Variants in KIRREL3 observed in about 807,000 individuals in gnomAD.
The protein encoded by KIRREL3 is kirre like nephrin family adhesion molecule 3, also known as kin of IRRE-like protein 3.
In KIRREL3, 36 loss-of-function variants were observed where a neutral mutation model predicts 89.7. That is an observed-to-expected ratio of 0.40 (90% CI 0.31 to 0.53). KIRREL3 has a LOEUF of 0.53. Among genes scored for constraint, KIRREL3 ranks in the 20% least tolerant of loss-of-function variants. KIRREL3 has a pLI of 0.49. For synonymous variants in KIRREL3, 445 were observed against 441.4 expected (o/e 1.01, Z -0.10); for missense variants, 864 against 1,056.6 (o/e 0.82, Z 2.53).
In KIRREL3 at chr11:126,490,424, C is replaced by T. The variant is rs1274310245; in HGVS notation, c.434-16958G>A. ...AAATAGACCATGTAGGCCTGTGTTC[C>T]ACGGGTGCTCAGAAAAGACCATGTA... On this transcript the variant is annotated intron_variant, in intron 4 of 16. Coordinates refer to ENST00000525144, the MANE Select transcript of KIRREL3 (RefSeq NM_032531.4). The surrounding 1 kb of genome is among the most constrained non-coding windows in gnomAD (Gnocchi z 4.2). 2.0e-5 allele frequency among the ~76,000 whole-genome samples: 3 copies of T among 151,950 alleles called. No homozygotes were observed. The highest frequency in any genetic ancestry group is 7.3e-5 in the African/African-American group (3 of 41,360).
chr11:126,854,240 A>C (rs1280319332), intron 1 of KIRREL3, among the ~76,000 whole-genome samples: 1 of 151,860 alleles, frequency 6.6e-6, no homozygotes, highest in Non-Finnish European at 1.5e-5. Flanking sequence ...AAAATGCACT[A>C]AAATAAAATT....
chr11:126,738,292 T>G lies in KIRREL3; in HGVS notation c.56-175380A>C, dbSNP rs192165512. On this transcript the variant is annotated intron_variant, in intron 1 of 16. Coordinates refer to ENST00000525144, the MANE Select transcript of KIRREL3 (RefSeq NM_032531.4). ...CAGCCCCTGTTGCCCCCTCCACCCC[T>G]GTCTTGCCTTATCTGGTCCTTTTCC... 2.0e-5 allele frequency among the ~76,000 whole-genome samples: 3 copies of G among 152,278 alleles called. No homozygotes were observed. The East Asian group carries it at 5.8e-4, about 29-fold the overall frequency.
Position 126,796,276 on chromosome 11 carries a change from T to A in KIRREL3, c.55+204179A>T, listed in dbSNP as rs1950807571. Among the ~76,000 whole-genome samples, 1 of 151,816 alleles carries A rather than the reference T, an allele frequency of 6.6e-6. No individual in the cohort carries two copies. Among genetic ancestry groups the A allele is most frequent in the Non-Finnish European group, 1.5e-5 (1 of 67,984 alleles). On this transcript the variant is annotated intron_variant, in intron 1 of 16. Coordinates refer to ENST00000525144, the MANE Select transcript of KIRREL3 (RefSeq NM_032531.4). The surrounding 1 kb of genome is among the most constrained non-coding windows in gnomAD (Gnocchi z 5.1). ...CAAAAAAACCAAGGACTTGACCAGA[T>A]GAAAAGAGAGGGGCTCGATCCATGT...
rs1177939975 is a variant in KIRREL3, at chr11:126,990,340, C to A, written c.55+10115G>T. 6.6e-6 allele frequency among the ~76,000 whole-genome samples: 1 copy of A among 152,174 alleles called. No homozygotes were observed. Among genetic ancestry groups the A allele is most frequent in the African/African-American group, 2.4e-5 (1 of 41,446 alleles). On this transcript the variant is annotated intron_variant, in intron 1 of 16. Coordinates refer to ENST00000525144, the MANE Select transcript of KIRREL3 (RefSeq NM_032531.4). This position sits in a 1 kb window ranked among gnomAD's most constrained non-coding sequence, Gnocchi z 6.3. ...TCAAACACTCCACCCTCACACCCTG[C>A]AGAATCAGGAGAGAGGAACCCGCCT...
Position 126,546,973 on chromosome 11 carries a change from GTTAT to G in KIRREL3, c.133+15858_133+15861del, listed in dbSNP as rs148803259. The stretch of plus-strand genomic sequence containing the variant: ...CTAATTTTTAAAAAACATTATTATT[GTTAT>G]TTGTTTGTTTGACCTCCAAGGAAAG... On this transcript the variant is annotated intron_variant, in intron 2 of 16. Coordinates refer to ENST00000525144, the MANE Select transcript of KIRREL3 (RefSeq NM_032531.4). 5.6e-3 allele frequency among the ~76,000 whole-genome samples: 857 copies of G among 152,272 alleles called. 7 individuals are homozygous for G. Among genetic ancestry groups the G allele is most frequent in the African/African-American group, 0.019 (779 of 41,558 alleles).
At chr11:126,834,814 A>T (rs1943725188) in intron 1 of KIRREL3, among the ~76,000 whole-genome samples, 1 of 152,252 alleles carries the variant, frequency 6.6e-6, no homozygotes, top group Non-Finnish European at 1.5e-5. Flanking sequence ...CAGACACACA[A>T]GGAATGCACC....
At chr11:126,646,870 G>T (rs1006246638) in intron 1 of KIRREL3, among the ~76,000 whole-genome samples, 2 of 152,046 alleles carry the variant, frequency 1.3e-5, no homozygotes, top group African/African-American at 2.4e-5. Flanking sequence ...CCAAGCTCCT[G>T]TTCTTTTCTT....
chr11:126,461,195 C>T (rs1241884408), intron 6 of KIRREL3, among the ~76,000 whole-genome samples: 5 of 152,252 alleles, frequency 3.3e-5, no homozygotes, highest in East Asian at 1.9e-4. Context: ...GTGGAGCCGT[C>T]GTGGATGCTG....
At position 126,685,889 on chromosome 11, in the gene KIRREL3, G is replaced by A. The variant is rs1283829665; in HGVS notation, c.56-122977C>T. Among the ~76,000 whole-genome samples, 1 of 152,220 alleles carries A rather than the reference G, an allele frequency of 6.6e-6. No individual in the cohort carries two copies. Among genetic ancestry groups the A allele is most frequent in the African/African-American group, 2.4e-5 (1 of 41,454 alleles). On this transcript the variant is annotated intron_variant, in intron 1 of 16. Transcript: ENST00000525144. This position sits in a 1 kb window ranked among gnomAD's most constrained non-coding sequence, Gnocchi z 5.5. Reference sequence around the variant, plus strand: ...CTGGAGACTTTTTCCCTCATGCTGGGCTCTTCACGTGGCATCCTGTGCCTG... The same window carrying A: ...CTGGAGACTTTTTCCCTCATGCTGGACTCTTCACGTGGCATCCTGTGCCTG...
At chr11:126,600,049 C>T (rs56013061) in intron 1 of KIRREL3, among the ~76,000 whole-genome samples, 3 of 152,202 alleles carry the variant, frequency 2.0e-5, no homozygotes, top group Non-Finnish European at 4.4e-5. Flanking sequence ...GACTAGTTTG[C>T]GTGTTCTGTC....
rs1957045703 is a variant in KIRREL3 at position 126,475,758 on chromosome 11, G to A, written c.434-2292C>T. 6.6e-6 allele frequency among the ~76,000 whole-genome samples: 1 copy of A among 152,258 alleles called. No homozygotes were observed. Among genetic ancestry groups the A allele is most frequent in the Non-Finnish European group, 1.5e-5 (1 of 68,038 alleles). On this transcript the variant is annotated intron_variant, in intron 4 of 16. Coordinates refer to ENST00000525144, the MANE Select transcript of KIRREL3 (RefSeq NM_032531.4). The surrounding 1 kb of genome is among the most constrained non-coding windows in gnomAD (Gnocchi z 7.5). ...GGGCCTGGCCACAGGGCAAAACGGAGGCGGCTCAGGGCTTTCCACCAAGTG... is the reference window on the plus strand; with the variant it reads ...GGGCCTGGCCACAGGGCAAAACGGAAGCGGCTCAGGGCTTTCCACCAAGTG...
At position 126,620,790 on chromosome 11, in the gene KIRREL3, T is replaced by C. The variant is rs562156703; in HGVS notation, c.56-57878A>G. On this transcript the variant is annotated intron_variant, in intron 1 of 16. Coordinates refer to ENST00000525144, the MANE Select transcript of KIRREL3 (RefSeq NM_032531.4). The surrounding 1 kb of genome is among the most constrained non-coding windows in gnomAD (Gnocchi z 4.8). Reference sequence around the variant, plus strand: ...TCCTTCTTTAGCTTCTAATAAATCATCCAAACCCAGAGAAGATAACTTCTG... The same window carrying C: ...TCCTTCTTTAGCTTCTAATAAATCACCCAAACCCAGAGAAGATAACTTCTG... Among the ~76,000 whole-genome samples the C allele has an allele frequency of 2.0e-5, 3 of 152,294 alleles. No individual in the cohort carries two copies. The highest frequency in any genetic ancestry group is 7.2e-5 in the African/African-American group (3 of 41,572).
rs1321518841 is a variant in KIRREL3 at position 126,684,922 on chromosome 11, G to A, written c.56-122010C>T. Among the ~76,000 whole-genome samples, 3 of 152,098 alleles carry A rather than the reference G, an allele frequency of 2.0e-5. No homozygotes were observed. The highest frequency in any genetic ancestry group is 4.4e-5 in the Non-Finnish European group (3 of 68,026). On this transcript the variant is annotated intron_variant, in intron 1 of 16. Transcript: ENST00000525144. The surrounding 1 kb of genome is among the most constrained non-coding windows in gnomAD (Gnocchi z 4.2). ...GGTCCTCAGCAGGACAGGCTTCTTT[G>A]TCCTTGTCTCCCCCCTCCCTTTTGT... is the stretch of plus-strand genomic sequence containing the variant.
chr11:126,879,528 T>C lies in KIRREL3; in HGVS notation c.55+120927A>G, dbSNP rs1036191832. ...ATGGTCCTTTCTCCCCTCTGATCCT[T>C]TCACCACTCCTCTTTATTTTGGTCT... On this transcript the variant is annotated intron_variant, in intron 1 of 16. Transcript: ENST00000525144. This position sits in a 1 kb window ranked among gnomAD's most constrained non-coding sequence, Gnocchi z 5.4. Among the ~76,000 whole-genome samples the C allele has an allele frequency of 5.3e-5, 8 of 152,182 alleles. No homozygotes were observed. The highest frequency in any genetic ancestry group is 3.9e-4 in the Admixed American group (6 of 15,282).
rs1942937099 is a variant in KIRREL3, at chr11:126,607,445, C to CG, written c.56-44534dup. Among the ~76,000 whole-genome samples the CG allele has an allele frequency of 6.6e-6, 1 of 152,112 alleles. No individual in the cohort carries two copies. Among genetic ancestry groups the CG allele is most frequent in the Non-Finnish European group, 1.5e-5 (1 of 68,018 alleles). ...CCACATCTGGCTCCGAGCTGACTCT[C>CG]GGTGACCATGACCACCTCCTTCCAC... On this transcript the variant is annotated intron_variant, in intron 1 of 16. Coordinates refer to ENST00000525144, the MANE Select transcript of KIRREL3 (RefSeq NM_032531.4). This position sits in a 1 kb window ranked among gnomAD's most constrained non-coding sequence, Gnocchi z 6.6.
chr11:126,475,641 G>T lies in KIRREL3; in HGVS notation c.434-2175C>A, dbSNP rs1437450715. 6.6e-6 allele frequency among the ~76,000 whole-genome samples: 1 copy of T among 152,168 alleles called. No individual in the cohort carries two copies. The highest frequency in any genetic ancestry group is 1.5e-5 in the Non-Finnish European group (1 of 68,024). Reference sequence around the variant, plus strand: ...CTGGCCCTGGGCTCTTGAGCCGGGAGGAAGCAGGCATGAATGGGATGGATG... The same window carrying T: ...CTGGCCCTGGGCTCTTGAGCCGGGATGAAGCAGGCATGAATGGGATGGATG... On this transcript the variant is annotated intron_variant, in intron 4 of 16. Transcript: ENST00000525144. The surrounding 1 kb of genome is among the most constrained non-coding windows in gnomAD (Gnocchi z 7.5).
rs538039667 is a variant in KIRREL3 at position 126,516,456 on chromosome 11, A to G, written c.433+4859T>C. On this transcript the variant is annotated intron_variant, in intron 4 of 16. Coordinates refer to ENST00000525144, the MANE Select transcript of KIRREL3 (RefSeq NM_032531.4). This position sits in a 1 kb window ranked among gnomAD's most constrained non-coding sequence, Gnocchi z 4.9. ...CACATCCTGTACAGCAATGCAATTT[A>G]TGGTTTAATCCGTGCATCACTTATC... Among the ~76,000 whole-genome samples, 34 of 152,190 alleles carry G rather than the reference A, an allele frequency of 2.2e-4. No homozygotes were observed. Among genetic ancestry groups the G allele is most frequent in the Non-Finnish European group, 3.7e-4 (25 of 68,036 alleles).
intron 1 of KIRREL3, among the ~76,000 whole-genome samples, chr11:126,662,438 C>T (rs1215615600): frequency 6.6e-6 from 1 of 152,178 alleles, no homozygotes; most frequent in Non-Finnish European, 1.5e-5. Context: ...TTATAAAAAA[C>T]AGAAATTTAT....
intron 1 of KIRREL3, among the ~76,000 whole-genome samples, chr11:126,593,894 G>T (rs944569792): frequency 2.6e-5 from 4 of 152,038 alleles, no homozygotes; most frequent in Non-Finnish European, 5.9e-5. Flanking sequence ...AGACTCAGGG[G>T]GTCCAGTGGT....
Sources: gnomAD v4.1 joint callset for allele counts (sites outside exome capture counted in the v4.1 genomes callset) on GRCh38, gnomAD v4.1.1 for gene constraint, Gnocchi (gnomAD v3.1) non-coding constraint, MANE v1.5 for transcripts, NCBI Gene and HGNC (gene_info 2026-07-23, HGNC 2026-07-21) for gene names.